Variants in PTPRG observed in about 807,000 individuals in gnomAD.
The protein encoded by PTPRG is receptor-type tyrosine-protein phosphatase gamma.
In PTPRG, 102 loss-of-function variants were observed where a neutral mutation model predicts 165.3. The ratio of observed to expected loss-of-function variants is 0.62; its 90% CI spans 0.53 to 0.73. The LOEUF (loss-of-function observed/expected upper bound fraction) is 0.73. PTPRG is among the 30% of genes least tolerant of loss of function. The pLI is 0.00. For synonymous variants in PTPRG, 675 were observed against 669.5 expected, an observed-to-expected ratio of 1.01 and a Z score of -0.13; for missense variants, 1,866 against 1,861.4, an observed-to-expected ratio of 1.00 and a Z score of -0.05.
intron 5 of PTPRG, among the ~76,000 whole-genome samples, chr3:62,131,030 T>A (rs2106922621): frequency 6.6e-6 from 1 of 152,306 alleles, no homozygotes; most frequent in Non-Finnish European, 1.5e-5. Flanking sequence ...TAGTAGCACC[T>A]GTATTCTGAA....
chr3:62,007,890 A>C (rs2041333716), intron 4 of PTPRG, among the ~76,000 whole-genome samples: 1 of 152,218 alleles, frequency 6.6e-6, no homozygotes, highest in African/African-American at 2.4e-5. Flanking sequence ...TTGGTAGGCA[A>C]GATAATGTCT....
At chr3:61,906,288 A>G (rs1193483253) in intron 2 of PTPRG, among the ~76,000 whole-genome samples, 1 of 151,458 alleles carries the variant, frequency 6.6e-6, no homozygotes, top group Non-Finnish European at 1.5e-5. Flanking sequence ...CCCTGTCTCT[A>G]CTAAAAATAA....
intron 4 of PTPRG, among the ~76,000 whole-genome samples, chr3:62,043,778 AAC>A (rs1175858970): frequency 1.3e-5 from 2 of 152,234 alleles, no homozygotes; most frequent in African/African-American, 4.8e-5. Flanking sequence ...AACAGTAGAA[AAC>A]ACAACCCTTG....
rs777168211 is a variant in PTPRG at position 62,231,277 on chromosome 3, CCTT to C, written c.2347_2349del (p.Ser783del). 2.1e-5 allele frequency: 34 copies of C among 1,596,018 alleles called. No homozygotes were observed. The highest frequency in any genetic ancestry group is 2.9e-5 in the Non-Finnish European group (34 of 1,170,944). On this transcript the variant is annotated inframe_deletion, in exon 14 of 30. Coordinates refer to ENST00000474889, the MANE Select transcript of PTPRG (RefSeq NM_002841.4). Reference sequence around the variant, plus strand: ...CTTTCCCAGACGTTTCCGTGAAGTGCCTTCTTCTGGGGAGAGAGGAGAGAAGGG... The same window carrying C: ...CTTTCCCAGACGTTTCCGTGAAGTGCCTTCTGGGGAGAGAGGAGAGAAGGG...
Position 62,237,101 on chromosome 3 carries a change from T to C in PTPRG, c.2375+5790T>C, listed in dbSNP as rs577145385. ...CTGAAAAATATTGGTCACTAAATTA[T>C]TTCCAGGTTCTTGTCAGAAGGGCAG... On this transcript the variant is annotated intron_variant, in intron 14 of 29. Transcript: ENST00000474889. This position sits in a 1 kb window ranked among gnomAD's most constrained non-coding sequence, Gnocchi z 4.5. 2.0e-5 allele frequency among the ~76,000 whole-genome samples: 3 copies of C among 152,288 alleles called. No individual in the cohort carries two copies. In the South Asian group the frequency reaches 6.2e-4, roughly 32 times the overall value.
chr3:61,997,381 ACACAGACTG>A (rs2041064242), intron 3 of PTPRG, among the ~76,000 whole-genome samples: 1 of 152,068 alleles, frequency 6.6e-6, no homozygotes, highest in South Asian at 2.1e-4. Context: ...CTTGGGACAA[ACACAGACTG>A]CTCACTGTCC....
At chr3:61,944,950 C>T (rs1179345704) in intron 2 of PTPRG, among the ~76,000 whole-genome samples, 1 of 152,156 alleles carries the variant, frequency 6.6e-6, no homozygotes, top group East Asian at 1.9e-4. Flanking sequence ...GCTGTCTGTC[C>T]TACAGATTGC....
intron 1 of PTPRG, among the ~76,000 whole-genome samples, chr3:61,680,502 A>G (rs1347130743): frequency 2.6e-4 from 11 of 42,544 alleles, no homozygotes; most frequent in African/African-American, 6.3e-4. Flanking sequence ...CAGCTTTATG[A>G]AAAAAAAAAA....
chr3:62,119,871 T>A (rs1703000929), intron 5 of PTPRG, among the ~76,000 whole-genome samples: 1 of 149,736 alleles, frequency 6.7e-6, no homozygotes, highest in Admixed American at 6.7e-5. Context: ...CCTGACCTCG[T>A]GATCTGCCCA....
At chr3:61,838,263 C>T (rs2107319848) in intron 2 of PTPRG, among the ~76,000 whole-genome samples, 1 of 152,264 alleles carries the variant, frequency 6.6e-6, no homozygotes, top group Non-Finnish European at 1.5e-5. Context: ...GGGTTATCTA[C>T]CTGAAATCAG....
chr3:61,715,463 C>G (rs1180012837), intron 1 of PTPRG, among the ~76,000 whole-genome samples: 1 of 152,168 alleles, frequency 6.6e-6, no homozygotes, highest in Non-Finnish European at 1.5e-5. Context: ...AAGATGTCCA[C>G]CTGCCTTGGT....
chr3:61,623,397 C>T (rs1402448029), intron 1 of PTPRG, among the ~76,000 whole-genome samples: 2 of 152,076 alleles, frequency 1.3e-5, no homozygotes, highest in Admixed American at 6.6e-5. Flanking sequence ...ACAGAGAAAT[C>T]GGGGGGAAGG....
intron 7 of PTPRG, among the ~76,000 whole-genome samples, chr3:62,163,878 T>G (rs776747425): frequency 6.6e-6 from 1 of 152,232 alleles, no homozygotes; most frequent in African/African-American, 2.4e-5. Context: ...ATTTAGCAAG[T>G]AGGGTTTAAA....
Position 61,823,826 on chromosome 3 carries a change from C to G in PTPRG, c.190+74844C>G, listed in dbSNP as rs114455883. On this transcript the variant is annotated intron_variant, in intron 2 of 29. Transcript: ENST00000474889. ...GCAAATATACTGATAATAAATATCC[C>G]TGTTATAAATGATGATGAAGCTGGG... Among the ~76,000 whole-genome samples, 678 of 152,156 alleles carry G rather than the reference C, an allele frequency of 4.5e-3. 3 individuals are homozygous for G. Among genetic ancestry groups the G allele is most frequent in the African/African-American group, 0.015 (633 of 41,512 alleles).
chr3:61,690,024 C>T (rs1399610085), intron 1 of PTPRG, among the ~76,000 whole-genome samples: 4 of 152,214 alleles, frequency 2.6e-5, no homozygotes, highest in Non-Finnish European at 4.4e-5. Flanking sequence ...AAGGGCCATA[C>T]ATTCTAACAA....
At chr3:61,562,760 G>T (rs1257517215) in intron 1 of PTPRG, among the ~76,000 whole-genome samples, 1 of 152,188 alleles carries the variant, frequency 6.6e-6, no homozygotes, top group Non-Finnish European at 1.5e-5. Flanking sequence ...TGCTTCTGTG[G>T]GTTTGGGGGG....
intron 2 of PTPRG, among the ~76,000 whole-genome samples, chr3:61,963,507 G>A (rs772151571): frequency 6.6e-5 from 10 of 152,258 alleles, no homozygotes; most frequent in African/African-American, 2.4e-4. Flanking sequence ...ATGCTAGAAA[G>A]AGAAAATATT....
intron 2 of PTPRG, among the ~76,000 whole-genome samples, chr3:61,922,446 A>G (rs1209857732): frequency 6.6e-6 from 1 of 152,178 alleles, no homozygotes; most frequent in Non-Finnish European, 1.5e-5. Context: ...AGGAGCATGT[A>G]GGTGCATACA....
chr3:61,766,869 C>T (rs1244285330), intron 2 of PTPRG, among the ~76,000 whole-genome samples: 2 of 151,960 alleles, frequency 1.3e-5, no homozygotes, highest in Non-Finnish European at 2.9e-5. Context: ...ATCTGCACAC[C>T]TTGGCCTCCC....
Sources: allele counts gnomAD v4.1 joint callset (sites outside exome capture counted in the v4.1 genomes callset), GRCh38; gene constraint gnomAD v4.1.1; non-coding constraint Gnocchi (gnomAD v3.1); transcripts MANE v1.5; gene names NCBI Gene and HGNC (gene_info 2026-07-23, HGNC 2026-07-21).